Variants in CARS2 observed in about 807,000 individuals in gnomAD.
The protein encoded by CARS2 is cysteinyl-tRNA synthetase 2, mitochondrial, also known as probable cysteine--tRNA ligase, mitochondrial.
Under a neutral mutation model 68.8 loss-of-function variants are expected in CARS2, and 52 were observed. That is an observed-to-expected ratio of 0.76 (90% CI 0.61 to 0.95). The LOEUF (loss-of-function observed/expected upper bound fraction) is 0.95. Ranked by LOEUF, CARS2 falls within the 40% of genes least tolerant of loss-of-function variation. The probability of loss-of-function intolerance (pLI) is 0.00; values close to 1 mark genes in which losing one functional copy is unlikely to be tolerated. For synonymous variants in CARS2, 314 were observed against 303.6 expected, an observed-to-expected ratio of 1.03 and a Z score of -0.36; for missense variants, 780 against 754.2, an observed-to-expected ratio of 1.03 and a Z score of -0.40.
At chr13:110,708,971 C>A (rs1408717849), upstream of CARS2, among the ~76,000 whole-genome samples, 1 of 151,950 alleles carries the variant, frequency 6.6e-6, no homozygotes, top group Non-Finnish European at 1.5e-5. Context: ...CCAGGCTGGT[C>A]TGGGACTCTG....
At chr13:110,682,907 A>G in intron 6 of CARS2, 144 bp downstream of exon 6, 1 of 487,596 alleles carries the variant, frequency 2.1e-6, no homozygotes, top group Non-Finnish European at 3.5e-6. Flanking sequence ...CACAGAAACC[A>G]CACTAAATTT....
chr13:110,660,048 C>G (rs1429042852), intron 9 of CARS2, among the ~76,000 whole-genome samples: 1 of 152,234 alleles, frequency 6.6e-6, no homozygotes, highest in African/African-American at 2.4e-5. Flanking sequence ...TAGTCTAAAT[C>G]CTTTGTTGTC....
intron 9 of CARS2, among the ~76,000 whole-genome samples, chr13:110,660,257 T>C (rs1594271783): frequency 2.0e-5 from 3 of 152,212 alleles, no homozygotes; most frequent in African/African-American, 7.2e-5. Context: ...AGTGACTTCC[T>C]CCAATGATGT....
intron 3 of CARS2, among the ~76,000 whole-genome samples, chr13:110,695,308 A>G (rs554005099): frequency 1.3e-5 from 2 of 152,246 alleles, no homozygotes; most frequent in South Asian, 4.1e-4. Flanking sequence ...AAAAAATAAT[A>G]CAAATTTTTA....
At chr13:110,675,180 C>T (rs1314490391) in intron 7 of CARS2, among the ~76,000 whole-genome samples, 3 of 152,144 alleles carry the variant, frequency 2.0e-5, no homozygotes, top group East Asian at 3.8e-4. Flanking sequence ...ACTAGAAATA[C>T]CATTTGACCC....
intron 7 of CARS2, among the ~76,000 whole-genome samples, chr13:110,671,475 G>A (rs577917697): frequency 2.0e-5 from 3 of 152,296 alleles, no homozygotes; most frequent in Middle Eastern, 3.4e-3. Flanking sequence ...AGATTCATAG[G>A]TGAAGGAGAA....
chr13:110,705,022 T>C lies in CARS2; in HGVS notation c.275+499A>G, dbSNP rs528670725. Among the ~76,000 whole-genome samples, 1 of 152,278 alleles carries C rather than the reference T, an allele frequency of 6.6e-6. No homozygotes were observed. The highest frequency in any genetic ancestry group is 2.4e-5 in the African/African-American group (1 of 41,554). Reference sequence around the variant, plus strand: ...TCTTAGGAAAGTTACTCAATCACTATTGAGCCCCGTGACATCTCACATGTG... The same window carrying C: ...TCTTAGGAAAGTTACTCAATCACTACTGAGCCCCGTGACATCTCACATGTG... On this transcript the variant is annotated intron_variant, in intron 2 of 14. Transcript: ENST00000257347. The surrounding 1 kb of genome is among the most constrained non-coding windows in gnomAD (Gnocchi z 4.0).
chr13:110,682,335 T>A (rs1351780946), intron 6 of CARS2, among the ~76,000 whole-genome samples: 1 of 152,230 alleles, frequency 6.6e-6, no homozygotes, highest in East Asian at 1.9e-4. Context: ...GTGGCTGATG[T>A]GGGCGTCTGT....
rs1340713603 is a variant in CARS2 at position 110,642,380 on chromosome 13, G to T, written c.1558C>A (p.Gln520Lys). The change falls in exon 14 of 15, where the codon CAG becomes AAG. Residue 520 changes from glutamine (Q) to lysine (K), a missense_variant. Transcript: ENST00000257347. ...GTGTCGCATGCTTCCAGCAGGGGCT[G>T]CCTTTCTAGGAGCTGCTGCCGCCGG... ...DARRQQLLER[Q>K]PLLEACDTLR... is the part of the protein sequence containing the mutation. 6.4e-7 allele frequency: 1 copy of T among 1,563,236 alleles called. No individual in the cohort carries two copies. Among genetic ancestry groups the T allele is most frequent in the Non-Finnish European group, 8.7e-7 (1 of 1,153,568 alleles).
chr13:110,710,323 A>G (rs936790980), upstream of CARS2, among the ~76,000 whole-genome samples: 4 of 152,204 alleles, frequency 2.6e-5, no homozygotes, highest in African/African-American at 9.7e-5. Flanking sequence ...CGGAGGTTGC[A>G]GTGAGCTGAG....
chr13:110,641,482 C>T lies in CARS2; in HGVS notation c.*55G>A. On this transcript the variant is annotated 3_prime_UTR_variant, in exon 15 of 15. Transcript: ENST00000257347. ...GGAAGCTTTAACATAAAGCCTTGACCCTGAGAAGCATGGGTGCGTCTTGTC... is the reference window on the plus strand; with the variant it reads ...GGAAGCTTTAACATAAAGCCTTGACTCTGAGAAGCATGGGTGCGTCTTGTC... 1.4e-6 allele frequency: 2 copies of T among 1,400,280 alleles called. No homozygotes were observed. Among genetic ancestry groups the T allele is most frequent in the Non-Finnish European group, 2.0e-6 (2 of 984,722 alleles). The allele number at this position is 1,400,280 out of a possible 1,614,324, so 86.7% of individuals were successfully genotyped here. A position where few individuals can be genotyped will look rare whatever the true frequency, so the allele number is the denominator to read the frequency against.
At chr13:110,707,714 T>C (rs2063992307), upstream of CARS2, 1 of 152,180 alleles carries the variant, frequency 6.6e-6, no homozygotes, top group South Asian at 2.1e-4. Context: ...AAAAGTCCCC[T>C]TTGCTTTTCC....
intron 2 of CARS2, among the ~76,000 whole-genome samples, chr13:110,702,825 C>T (rs796346960): frequency 1.6e-4 from 25 of 152,356 alleles, no homozygotes; most frequent in African/African-American, 6.0e-4. Context: ...CATCAGGAGA[C>T]CTCAGCTTGC....
upstream of CARS2, among the ~76,000 whole-genome samples, chr13:110,710,151 C>G (rs564416106): frequency 2.0e-5 from 3 of 152,310 alleles, no homozygotes; most frequent in South Asian, 6.2e-4. Flanking sequence ...GAGGCCAAGA[C>G]AGGCGGATCA....
At chr13:110,702,921 C>G (rs996270048) in intron 2 of CARS2, among the ~76,000 whole-genome samples, 5 of 152,192 alleles carry the variant, frequency 3.3e-5, no homozygotes, top group Admixed American at 1.3e-4. Context: ...GTGTGCTCAT[C>G]TGGGTGATCG....
intron 6 of CARS2, among the ~76,000 whole-genome samples, chr13:110,679,650 CGGAG>C (rs571685789): frequency 0.041 from 1,753 of 43,184 alleles, 112 homozygotes; most frequent in African/African-American, 0.15. Context: ...CGGGCGTGAC[CGGAG>C]GGAGGGAGGG....
intron 13 of CARS2, chr13:110,643,106 T>C (rs1002736929): frequency 7.4e-6 from 2 of 272,010 alleles, no homozygotes; most frequent in African/African-American, 4.6e-5. Context: ...TCAAACTACT[T>C]AAACCTCACA....
At chr13:110,663,652 T>G (rs989649924) in intron 8 of CARS2, 134 bp from the exon 9 acceptor site, 1 of 1,425,482 alleles carries the variant, frequency 7.0e-7, no homozygotes. Flanking sequence ...TTGGTATAAA[T>G]CTGCCCCCAA....
intron 6 of CARS2, 103 bp downstream of exon 6, chr13:110,682,948 T>A: frequency 1.5e-6 from 1 of 655,872 alleles, no homozygotes; most frequent in Non-Finnish European, 2.5e-6. Flanking sequence ...GTAAGGCCAG[T>A]GTCTGAGCAA....
Sources: gnomAD v4.1 joint callset for allele counts (sites outside exome capture counted in the v4.1 genomes callset) on GRCh38, gnomAD v4.1.1 for gene constraint, Gnocchi (gnomAD v3.1) non-coding constraint, MANE v1.5 for transcripts, NCBI Gene and HGNC (gene_info 2026-07-23, HGNC 2026-07-21) for gene names.